Variants in NBN observed in about 807,000 individuals in gnomAD.
The protein encoded by NBN is Nijmegen breakage syndrome 1 (nibrin).
NBN carries 88 observed loss-of-function variants against 90.8 expected under a neutral mutation model. That is an observed-to-expected ratio of 0.97 (90% CI 0.82 to 1.16). The LOEUF (loss-of-function observed/expected upper bound fraction) is 1.16, where lower values mean the gene tolerates loss of function less well. Among genes scored for constraint, NBN ranks in the 50% most tolerant of loss-of-function variants. The pLI is 0.00. For synonymous variants in NBN, 328 were observed against 295.1 expected, an observed-to-expected ratio of 1.11 and a Z score of -1.14; for missense variants, 894 against 869.6, an observed-to-expected ratio of 1.03 and a Z score of -0.35.
chr8:89,949,264 C>T (rs774574562), intron 11 of NBN, among the ~76,000 whole-genome samples: 2 of 152,176 alleles, frequency 1.3e-5, no homozygotes, highest in Admixed American at 1.3e-4. Flanking sequence ...AGTTTCCACA[C>T]ATGTTCAATA....
At position 89,935,624 on chromosome 8, in the gene NBN, GA is replaced by G. The variant is rs754714425; in HGVS notation, c.2235-13del. 2 of 1,604,920 alleles carry G rather than the reference GA, an allele frequency of 1.2e-6. No individual in the cohort carries two copies. The highest frequency in any genetic ancestry group is 2.7e-5 in the African/African-American group (2 of 74,816). ...AATAAGGATTGTATCTGCAAAGAAA[GA>G]AATGGGGTTAAATGATATTTAGATA... On this transcript the variant is annotated splice_polypyrimidine_tract_variant and intron_variant, in intron 15 of 15. Transcript: ENST00000265433.
chr8:89,935,746 T>TA, intron 15 of NBN, 134 bp from the exon 16 acceptor site: 1 of 1,032,246 alleles, frequency 9.7e-7, no homozygotes. Flanking sequence ...TAGGATCAGA[T>TA]ACTAAGCACT....
chr8:89,953,196 C>A, intron 11 of NBN, 48 bp downstream of exon 11: 1 of 1,354,006 alleles, frequency 7.4e-7, no homozygotes. Context: ...TACCTGTTAG[C>A]ATTCTAAGCT....
intron 14 of NBN, among the ~76,000 whole-genome samples, chr8:89,938,321 A>C (rs1461912972): frequency 2.0e-5 from 3 of 152,182 alleles, no homozygotes; most frequent in African/African-American, 7.2e-5. Context: ...AATGAGAAAA[A>C]ATATTGGTTA....
At chr8:89,951,429 G>A (rs3026266) in intron 11 of NBN, among the ~76,000 whole-genome samples, 4 of 151,848 alleles carry the variant, frequency 2.6e-5, no homozygotes, top group Non-Finnish European at 4.4e-5. Context: ...TATTTCCAAA[G>A]GTGTGGCCAA....
At chr8:89,965,790 A>G (rs1040061733) in intron 7 of NBN, among the ~76,000 whole-genome samples, 2 of 152,136 alleles carry the variant, frequency 1.3e-5, no homozygotes, top group African/African-American at 4.8e-5. Context: ...TTGCTCAGTC[A>G]AGATATTTTA....
intron 12 of NBN, among the ~76,000 whole-genome samples, chr8:89,947,574 A>C (rs1586042972): frequency 6.6e-6 from 1 of 151,604 alleles, no homozygotes; most frequent in South Asian, 2.1e-4. Context: ...GGTTGCGGTG[A>C]GCCGAGATCA....
intron 11 of NBN, among the ~76,000 whole-genome samples, chr8:89,952,139 A>C (rs1217121857): frequency 6.6e-6 from 1 of 152,204 alleles, no homozygotes; most frequent in Non-Finnish European, 1.5e-5. Flanking sequence ...CATGGGAAGC[A>C]GCTCTGATTA....
intron 8 of NBN, 67 bp downstream of exon 8, chr8:89,964,343 G>A (rs749014419): frequency 2.6e-5 from 40 of 1,539,890 alleles, no homozygotes; most frequent in Non-Finnish European, 3.5e-5. Flanking sequence ...TATGAGTAAC[G>A]TATATTTAGC....
chr8:89,979,373 A>G (rs1207259008), intron 4 of NBN, among the ~76,000 whole-genome samples: 1 of 152,242 alleles, frequency 6.6e-6, no homozygotes, highest in Non-Finnish European at 1.5e-5. Context: ...GAAAGATACC[A>G]CTTTCCAATG....
Position 89,949,105 on chromosome 8 carries a change from A to G in NBN, c.1846-1213T>C, listed in dbSNP as rs144446195. On this transcript the variant is annotated intron_variant, in intron 11 of 15. Coordinates refer to ENST00000265433, the MANE Select transcript of NBN (RefSeq NM_002485.5). ...AACTGCCTTTCATGGCAGATGCCCA[A>G]TGCCTACAGTAATGGAATAACTGAG... is the stretch of plus-strand genomic sequence containing the variant. 2.1e-3 allele frequency among the ~76,000 whole-genome samples: 322 copies of G among 152,328 alleles called. 2 individuals are homozygous for G. The highest frequency in any genetic ancestry group is 7.0e-3 in the African/African-American group (289 of 41,566).
intron 5 of NBN, among the ~76,000 whole-genome samples, chr8:89,976,431 A>T (rs1245228214): frequency 6.6e-6 from 1 of 152,250 alleles, no homozygotes; most frequent in Non-Finnish European, 1.5e-5. Flanking sequence ...TAGGTTAGAT[A>T]ACGGGATGTT....
rs1057524773 is a variant in NBN at position 89,937,009 on chromosome 8, G to A, written c.2234+17C>T. The A allele has an allele frequency of 6.3e-7, 1 of 1,586,842 alleles. No homozygotes were observed. Among genetic ancestry groups the A allele is most frequent in the South Asian group, 1.1e-5 (1 of 90,470 alleles). On this transcript the variant is annotated intron_variant, in intron 15 of 15. Coordinates refer to ENST00000265433, the MANE Select transcript of NBN (RefSeq NM_002485.5). ...ACATCTCTCAAAGGTACATGAGAAA[G>A]GTGAATCAAACTTTACCTAAAAAGA...
At chr8:89,983,841 AATTT>A in intron 1 of NBN, among the ~76,000 whole-genome samples, 1 of 152,026 alleles carries the variant, frequency 6.6e-6, no homozygotes. Context: ...CACAGTATAA[AATTT>A]ATTTAGTTTG....
rs566630862 is a variant in NBN at position 89,980,755 on chromosome 8, T to C, written c.459A>G (p.Val153=). ...WTEECTHLVM[V]SVKVTIKTIC... is the part of the protein sequence containing the mutation. ...CTACTTTAATGGTAACTTTCACTGATACCATGACAAGGTGAGTGCATTCTT... is the reference window on the plus strand; with the variant it reads ...CTACTTTAATGGTAACTTTCACTGACACCATGACAAGGTGAGTGCATTCTT... Residue 153 remains valine, a synonymous_variant, in exon 4 of 16, where the codon GTA becomes GTG. Transcript: ENST00000265433. 17 of 1,613,032 alleles carry C rather than the reference T, an allele frequency of 1.1e-5. No individual in the cohort carries two copies. The highest frequency in any genetic ancestry group is 8.8e-5 in the South Asian group (8 of 91,062).
chr8:89,941,799 G>A (rs1809962467), intron 14 of NBN, among the ~76,000 whole-genome samples: 1 of 152,190 alleles, frequency 6.6e-6, no homozygotes, highest in Admixed American at 6.5e-5. Flanking sequence ...AAGAAAAGGA[G>A]AAAGGATGTG....
chr8:89,946,400 T>C (rs529004335), intron 12 of NBN, 105 bp from the exon 13 acceptor site: 8 of 979,912 alleles, frequency 8.2e-6, no homozygotes, highest in East Asian at 2.4e-5. Flanking sequence ...CCTGAAAAAA[T>C]AGTAAAAATG....
At chr8:89,954,653 G>T (rs985254516) in intron 10 of NBN, among the ~76,000 whole-genome samples, 4 of 152,046 alleles carry the variant, frequency 2.6e-5, no homozygotes, top group Admixed American at 6.6e-5. Context: ...GAAAAGTTAG[G>T]GCCACATATG....
intron 9 of NBN, among the ~76,000 whole-genome samples, chr8:89,958,085 C>A (rs1409243942): frequency 1.3e-5 from 2 of 152,080 alleles, no homozygotes; most frequent in African/African-American, 2.4e-5. Flanking sequence ...AACCTAGATC[C>A]CTCACATGCA....
Sources: gnomAD v4.1 joint callset for allele counts (sites outside exome capture counted in the v4.1 genomes callset) on GRCh38, gnomAD v4.1.1 for gene constraint, MANE v1.5 for transcripts, NCBI Gene and HGNC (gene_info 2026-07-23, HGNC 2026-07-21) for gene names.